SEPTIN9: variants seen among roughly 807,000 people sequenced by gnomAD.
SEPTIN9 encodes the protein septin-9.
Under a neutral mutation model 56.6 loss-of-function variants are expected in SEPTIN9, and 13 were observed. The ratio of observed to expected loss-of-function variants is 0.23; its 90% confidence interval spans 0.15 to 0.37. SEPTIN9 has a LOEUF of 0.37. Ranked by LOEUF, SEPTIN9 falls within the 10% of genes least tolerant of loss-of-function variation. The pLI is 1.00. For synonymous variants in SEPTIN9, 332 were observed against 334.1 expected (o/e 0.99, Z 0.07); for missense variants, 650 against 823.1 (o/e 0.79, Z 2.57).
chr17:77,446,174 C>CT (rs1184543641), intron 3 of SEPTIN9: 3 of 167,136 alleles, frequency 1.8e-5, no homozygotes, highest in African/African-American at 7.2e-5. Flanking sequence ...CTTTACAGTG[C>CT]TAAGGGTCAG....
At chr17:77,345,476 C>T (rs2033862393) in intron 2 of SEPTIN9, among the ~76,000 whole-genome samples, 1 of 152,168 alleles carries the variant, frequency 6.6e-6, no homozygotes, top group African/African-American at 2.4e-5. Flanking sequence ...AAACCTGCAG[C>T]CTACTGGTAA....
chr17:77,461,992 TCTCA>T (rs1157176527), intron 3 of SEPTIN9, among the ~76,000 whole-genome samples: 1 of 152,214 alleles, frequency 6.6e-6, no homozygotes, highest in African/African-American at 2.4e-5. Flanking sequence ...AAGAATTCTC[TCTCA>T]CTCAGGCCTT....
At position 77,500,378 on chromosome 17, in the gene SEPTIN9, T is replaced by C. The variant is rs445507; in HGVS notation, c.*1720T>C. ...CCTGCCCAGCCTCAATGTCACTTGG[T>C]GGCGGGGTGGGGTGGGGGTGGGCAG... On this transcript the variant is annotated 3_prime_UTR_variant, in exon 12 of 12. Coordinates refer to ENST00000427177, the MANE Select transcript of SEPTIN9 (RefSeq NM_001113491.2). 0.55 allele frequency: 94,619 copies of C among 173,378 alleles called. 25,993 individuals carry two copies. The highest frequency in any genetic ancestry group is 0.72 in the African/African-American group (30,594 of 42,212). 10.7% of individuals were successfully genotyped at this position (173,378 alleles called of 1,614,324 possible). A position where few individuals can be genotyped will look rare whatever the true frequency, so the allele number is the denominator to read the frequency against.
At chr17:77,373,334 C>G (rs1002442411) in intron 2 of SEPTIN9, 1 of 1,176,240 alleles carries the variant, frequency 8.5e-7, no homozygotes, top group Non-Finnish European at 1.0e-6. Context: ...GCCTTCCTCC[C>G]CCATTCATTC....
At chr17:77,307,615 C>T (rs2032322428) in intron 2 of SEPTIN9, among the ~76,000 whole-genome samples, 1 of 152,088 alleles carries the variant, frequency 6.6e-6, no homozygotes, top group Non-Finnish European at 1.5e-5. Context: ...ATGGAAGATG[C>T]TCCAGGATAG....
intron 3 of SEPTIN9, among the ~76,000 whole-genome samples, chr17:77,480,078 CCA>C (rs1225180514): frequency 2.4e-4 from 36 of 152,250 alleles, no homozygotes; most frequent in Admixed American, 6.5e-4. Context: ...TGGGTGGGGG[CCA>C]CGTGGGGGCA....
In SEPTIN9 at chr17:77,410,388, G is replaced by A. The variant is rs150031926; in HGVS notation, c.721+7685G>A. ...CCATCAGCACACCTGGGTCAAGCTCGATTCCACTCCACGGCCCCTGTCTGA... is the reference window on the plus strand; with the variant it reads ...CCATCAGCACACCTGGGTCAAGCTCAATTCCACTCCACGGCCCCTGTCTGA... On this transcript the variant is annotated intron_variant, in intron 3 of 11. Coordinates refer to ENST00000427177, the MANE Select transcript of SEPTIN9 (RefSeq NM_001113491.2). 9.5e-4 allele frequency among the ~76,000 whole-genome samples: 145 copies of A among 152,272 alleles called. 2 individuals carry two copies. In the Middle Eastern group the frequency reaches 0.024, roughly 25 times the overall value.
At chr17:77,460,130 G>A (rs2038400248) in intron 3 of SEPTIN9, among the ~76,000 whole-genome samples, 2 of 151,622 alleles carry the variant, frequency 1.3e-5, no homozygotes, top group Admixed American at 6.6e-5. Flanking sequence ...GAGATTTGGA[G>A]GGGACAACGT....
At chr17:77,466,386 C>G in intron 3 of SEPTIN9, 6 of 985,472 alleles carry the variant, frequency 6.1e-6, no homozygotes, top group Non-Finnish European at 7.2e-6. Context: ...AATGTAGCTC[C>G]TTCCCGGAGT....
At chr17:77,304,606 C>A (rs989796262) in intron 1 of SEPTIN9, among the ~76,000 whole-genome samples, 1 of 152,146 alleles carries the variant, frequency 6.6e-6, no homozygotes, top group African/African-American at 2.4e-5. Context: ...GCATCCCCTG[C>A]AGAGATGTCT....
chr17:77,447,510 T>C (rs574038094), intron 3 of SEPTIN9, among the ~76,000 whole-genome samples: 135 of 152,332 alleles, frequency 8.9e-4, no homozygotes, highest in African/African-American at 3.0e-3. Context: ...ACCTGTGAGC[T>C]AGGGAAGCAG....
At chr17:77,393,177 G>A (rs1361823721) in intron 2 of SEPTIN9, among the ~76,000 whole-genome samples, 2 of 152,170 alleles carry the variant, frequency 1.3e-5, no homozygotes, top group African/African-American at 2.4e-5. Context: ...CCAATAAAGG[G>A]TGCCTCACCA....
intron 3 of SEPTIN9, among the ~76,000 whole-genome samples, chr17:77,420,131 C>T (rs928794696): frequency 6.6e-6 from 1 of 152,162 alleles, no homozygotes; most frequent in African/African-American, 2.4e-5. Context: ...TGGCCAGTCC[C>T]GTGTCTCCTG....
intron 2 of SEPTIN9, among the ~76,000 whole-genome samples, chr17:77,346,355 T>C (rs1172951988): frequency 6.9e-6 from 1 of 145,594 alleles, no homozygotes; most frequent in Admixed American, 7.1e-5. Flanking sequence ...AAGCACTAGC[T>C]TCAGCCTACG....
chr17:77,336,787 C>T (rs1482609180), intron 2 of SEPTIN9, among the ~76,000 whole-genome samples: 1 of 152,032 alleles, frequency 6.6e-6, no homozygotes, highest in Non-Finnish European at 1.5e-5. Flanking sequence ...ACATCCTTGC[C>T]TGTGCCAAAC....
At chr17:77,321,659 A>T (rs1473535248) in intron 2 of SEPTIN9, among the ~76,000 whole-genome samples, 1 of 152,070 alleles carries the variant, frequency 6.6e-6, no homozygotes, top group Non-Finnish European at 1.5e-5. Context: ...AAGTGCTGGG[A>T]TTACAGGCGT....
chr17:77,421,924 A>G lies in SEPTIN9; in HGVS notation c.721+19221A>G, dbSNP rs2036720308. On this transcript the variant is annotated intron_variant, in intron 3 of 11. Coordinates refer to ENST00000427177, the MANE Select transcript of SEPTIN9 (RefSeq NM_001113491.2). The surrounding 1 kb of genome is among the most constrained non-coding windows in gnomAD (Gnocchi z 4.6). ...AGTTCAATGGCCCAATGTCCCGCTC[A>G]CTGTGATCTCGACCTCCTAGGCTCA... is the stretch of plus-strand genomic sequence containing the variant. Among the ~76,000 whole-genome samples the G allele has an allele frequency of 6.6e-6, 1 of 152,126 alleles. No homozygotes were observed. The highest frequency in any genetic ancestry group is 2.4e-5 in the African/African-American group (1 of 41,404).
At chr17:77,495,015 C>G (rs1381542023) in intron 10 of SEPTIN9, among the ~76,000 whole-genome samples, 1 of 152,222 alleles carries the variant, frequency 6.6e-6, no homozygotes, top group African/African-American at 2.4e-5. Context: ...CCAAAGAGTT[C>G]TTGCTGTTTA....
At chr17:77,462,076 GA>G (rs1184145189) in intron 3 of SEPTIN9, among the ~76,000 whole-genome samples, 1 of 152,138 alleles carries the variant, frequency 6.6e-6, no homozygotes, top group Non-Finnish European at 1.5e-5. Context: ...CAAAATCTGA[GA>G]AAAAACCCTT....
Sources: allele counts gnomAD v4.1 joint callset (sites outside exome capture counted in the v4.1 genomes callset), GRCh38; gene constraint gnomAD v4.1.1; non-coding constraint Gnocchi (gnomAD v3.1); transcripts MANE v1.5; gene names NCBI Gene and HGNC (gene_info 2026-07-23, HGNC 2026-07-21).